PDE10A: variants seen among roughly 807,000 people sequenced by gnomAD.
PDE10A encodes the protein cAMP and cAMP-inhibited cGMP 3',5'-cyclic phosphodiesterase 10A.
A neutral mutation model predicts 97.7 loss-of-function variants in PDE10A; 39 were observed. The ratio of observed to expected loss-of-function variants is 0.40; its 90% CI spans 0.31 to 0.52. The LOEUF (loss-of-function observed/expected upper bound fraction) is 0.52. Ranked by LOEUF, PDE10A falls within the 20% of genes least tolerant of loss-of-function variation. The probability of loss-of-function intolerance (pLI) is 0.56; values close to 1 mark genes in which losing one functional copy is unlikely to be tolerated. For missense variants in PDE10A, 731 were observed against 1,047.8 expected (o/e 0.70, Z 4.17); for synonymous variants, 371 against 376.8 (o/e 0.98, Z 0.18).
intron 18 of PDE10A, among the ~76,000 whole-genome samples, chr6:165,367,264 C>T (rs892419297): frequency 6.5e-5 from 9 of 139,526 alleles, no homozygotes; most frequent in South Asian, 2.3e-4. Flanking sequence ...TGTGTGTGTG[C>T]GTGCATCTGT....
chr6:165,347,549 G>A (rs1373768071), intron 18 of PDE10A, among the ~76,000 whole-genome samples: 2 of 152,114 alleles, frequency 1.3e-5, no homozygotes, highest in African/African-American at 2.4e-5. Context: ...ATGAATCTTA[G>A]GTAAATGACT....
intron 1 of PDE10A, among the ~76,000 whole-genome samples, chr6:165,866,295 C>T (rs1012849029): frequency 5.3e-5 from 8 of 151,624 alleles, no homozygotes; most frequent in East Asian, 1.9e-4. Flanking sequence ...CATATATGAC[C>T]ACATCTGTTG....
chr6:165,977,655 T>A (rs1784889918), intron 1 of PDE10A, among the ~76,000 whole-genome samples: 2 of 152,218 alleles, frequency 1.3e-5, no homozygotes, highest in African/African-American at 2.4e-5. Flanking sequence ...GACATATTTA[T>A]AGAAAATCAA....
chr6:165,806,393 G>A (rs1779140898), intron 1 of PDE10A, among the ~76,000 whole-genome samples: 1 of 152,150 alleles, frequency 6.6e-6, no homozygotes, highest in Non-Finnish European at 1.5e-5. Flanking sequence ...CCCTAGTTTT[G>A]CCACCAGATA....
At chr6:165,710,451 T>C (rs907933484) in intron 1 of PDE10A, among the ~76,000 whole-genome samples, 2 of 152,224 alleles carry the variant, frequency 1.3e-5, no homozygotes, top group African/African-American at 4.8e-5. Flanking sequence ...ACTAAGATGT[T>C]ACGATGTTTT....
chr6:165,768,374 A>C (rs2128459389), intron 1 of PDE10A, among the ~76,000 whole-genome samples: 1 of 152,276 alleles, frequency 6.6e-6, no homozygotes, highest in South Asian at 2.1e-4. Context: ...CTGAAGATAT[A>C]CACATAGGTT....
intron 1 of PDE10A, among the ~76,000 whole-genome samples, chr6:165,654,779 G>A (rs544039341): frequency 3.3e-5 from 5 of 152,204 alleles, no homozygotes; most frequent in African/African-American, 1.2e-4. Flanking sequence ...TCCCGACCGA[G>A]GCCACGGACG....
intron 1 of PDE10A, among the ~76,000 whole-genome samples, chr6:165,921,424 A>G (rs1782749423): frequency 6.6e-6 from 1 of 152,246 alleles, no homozygotes; most frequent in Non-Finnish European, 1.5e-5. Flanking sequence ...CTTACTTTCT[A>G]GAGGCTGAGA....
chr6:165,840,906 G>A (rs76026390), intron 1 of PDE10A, among the ~76,000 whole-genome samples: 1,897 of 152,278 alleles, frequency 0.012, 43 homozygotes, highest in African/African-American at 0.041. Context: ...AACATGCCTG[G>A]GGGCTCAGCA....
rs1472527489 is a variant in PDE10A, at chr6:165,641,844, C to T, written c.865+20103G>A. Reference sequence around the variant, plus strand: ...AGAAAGCAATCTTTGAAACAGAACACGGTCCCGTCTCTGGCAAGCGGTGTT... The same window carrying T: ...AGAAAGCAATCTTTGAAACAGAACATGGTCCCGTCTCTGGCAAGCGGTGTT... On this transcript the variant is annotated intron_variant, in intron 1 of 21. Coordinates refer to ENST00000539869, the MANE Select transcript of PDE10A (RefSeq NM_001385079.1). Among the ~76,000 whole-genome samples the T allele has an allele frequency of 4.6e-5, 7 of 152,198 alleles. No individual in the cohort carries two copies. In the East Asian group the frequency reaches 7.7e-4, roughly 17 times the overall value.
At chr6:165,344,772 T>C (rs1050702821) in intron 18 of PDE10A, among the ~76,000 whole-genome samples, 3 of 152,214 alleles carry the variant, frequency 2.0e-5, no homozygotes, top group African/African-American at 7.2e-5. Flanking sequence ...TCAGTTTTAC[T>C]ACCTTGCTTT....
rs139033366 is a variant in PDE10A at position 165,467,807 on chromosome 6, C to T, written c.1023+14508G>A. On this transcript the variant is annotated intron_variant, in intron 3 of 21. Coordinates refer to ENST00000539869, the MANE Select transcript of PDE10A (RefSeq NM_001385079.1). ...GAGACAGGGTTTGAAAGGATGAACC[C>T]CAATGTTCTACTGTGGGCAAAAATA... 3.0e-3 allele frequency among the ~76,000 whole-genome samples: 450 copies of T among 152,236 alleles called. 3 individuals carry two copies. Among genetic ancestry groups the T allele is most frequent in the African/African-American group, 9.9e-3 (411 of 41,536 alleles).
chr6:165,353,040 G>A (rs1176180244), intron 18 of PDE10A, among the ~76,000 whole-genome samples: 1 of 152,112 alleles, frequency 6.6e-6, no homozygotes, highest in African/African-American at 2.4e-5. Flanking sequence ...GACATGAACT[G>A]ACACCTCACT....
Position 165,554,924 on chromosome 6 carries a change from C to CA in PDE10A, c.866-11357dup, listed in dbSNP as rs1784177991. Among the ~76,000 whole-genome samples the CA allele has an allele frequency of 2.0e-5, 3 of 152,114 alleles. No individual in the cohort carries two copies. In the South Asian group the frequency reaches 6.2e-4, roughly 31 times the overall value. ...GTAAAATAAGCCAGGCACGGAAAGA[C>CA]AAACATCGCATGTTCTCATTTATTT... On this transcript the variant is annotated intron_variant, in intron 1 of 21. Transcript: ENST00000539869.
intron 6 of PDE10A, among the ~76,000 whole-genome samples, chr6:165,434,276 C>T (rs1384476811): frequency 1.3e-5 from 2 of 152,038 alleles, no homozygotes; most frequent in African/African-American, 4.8e-5. Context: ...CCTTCCTTCC[C>T]TTCTGTCCTT....
chr6:165,603,689 C>G (rs111322082), intron 1 of PDE10A, among the ~76,000 whole-genome samples: 1 of 152,214 alleles, frequency 6.6e-6, no homozygotes, highest in African/African-American at 2.4e-5. Flanking sequence ...ATGCGCAGAG[C>G]GACTTCACCA....
intron 2 of PDE10A, among the ~76,000 whole-genome samples, chr6:165,495,138 A>G (rs1780463256): frequency 1.3e-5 from 2 of 152,206 alleles, no homozygotes; most frequent in African/African-American, 4.8e-5. Flanking sequence ...TTCATGCCAG[A>G]CACCGAATAA....
At chr6:165,519,519 T>C (rs569190659) in intron 2 of PDE10A, among the ~76,000 whole-genome samples, 9 of 151,946 alleles carry the variant, frequency 5.9e-5, no homozygotes, top group South Asian at 4.2e-4. Context: ...AGAGGAAAGA[T>C]TGAAGTCCTC....
At chr6:165,806,302 T>A (rs899260950) in intron 1 of PDE10A, among the ~76,000 whole-genome samples, 2 of 152,118 alleles carry the variant, frequency 1.3e-5, no homozygotes, top group South Asian at 2.1e-4. Context: ...CCTGTCACTG[T>A]CTATTCATGT....
Sources: allele counts gnomAD v4.1 joint callset (sites outside exome capture counted in the v4.1 genomes callset), GRCh38; gene constraint gnomAD v4.1.1; transcripts MANE v1.5; gene names NCBI Gene and HGNC (gene_info 2026-07-23, HGNC 2026-07-21).